Variants in MBP observed in about 807,000 individuals in gnomAD.
MBP encodes Golli-MBP.
In MBP, 16 loss-of-function variants were observed where a neutral mutation model predicts 35.8. The observed-to-expected ratio is 0.45, with a 90% CI of 0.30 to 0.68. The LOEUF (loss-of-function observed/expected upper bound fraction) is 0.68. MBP is among the 30% of genes least tolerant of loss of function. The probability of loss-of-function intolerance (pLI) is 0.08; values close to 1 mark genes in which losing one functional copy is unlikely to be tolerated. For synonymous variants in MBP, 143 were observed against 159.6 expected, an observed-to-expected ratio of 0.90 and a Z score of 0.78; for missense variants, 380 against 404.7, an observed-to-expected ratio of 0.94 and a Z score of 0.52.
chr18:77,131,025 C>CAAA lies in MBP; in HGVS notation c.-26+1552_-26+1554dup, dbSNP rs56844180. ...TTCCCTCAGATTTCTGTTTTTCCCACAAAAAAAAAAAAAAAACAAAACCTC... is the reference window on the plus strand; with the variant it reads ...TTCCCTCAGATTTCTGTTTTTCCCACAAAAAAAAAAAAAAAAAAACAAAACCTC... On this transcript the variant is annotated intron_variant, in intron 1 of 8. Coordinates refer to ENST00000355994, the MANE Select transcript of MBP (RefSeq NM_001025101.2). This position sits in a 1 kb window ranked among gnomAD's most constrained non-coding sequence, Gnocchi z 5.5. Among the ~76,000 whole-genome samples the CAAA allele has an allele frequency of 0.015, 1,900 of 129,954 alleles. 59 individuals are homozygous for CAAA. Among genetic ancestry groups the CAAA allele is most frequent in the African/African-American group, 0.052 (1,761 of 34,096 alleles). 85.3% of individuals were successfully genotyped at this position (129,954 alleles called of 152,430 possible). A position where few individuals can be genotyped will look rare whatever the true frequency, so the allele number is the denominator to read the frequency against.
chr18:77,031,019 A>G (rs1250868249), intron 3 of MBP, among the ~76,000 whole-genome samples: 8 of 152,198 alleles, frequency 5.3e-5, no homozygotes, highest in Non-Finnish European at 1.2e-4. Flanking sequence ...CTCTAAAGCC[A>G]TACAGACACT....
At chr18:77,023,111 C>A (rs1972057473) in intron 3 of MBP, among the ~76,000 whole-genome samples, 1 of 152,186 alleles carries the variant, frequency 6.6e-6, no homozygotes, top group Non-Finnish European at 1.5e-5. Flanking sequence ...CAATGCTGGC[C>A]TTTAGAAGGT....
intron 2 of MBP, among the ~76,000 whole-genome samples, chr18:77,099,999 C>G (rs1373087317): frequency 6.6e-6 from 1 of 152,236 alleles, no homozygotes; most frequent in Non-Finnish European, 1.5e-5. Flanking sequence ...CTTCTCTACT[C>G]TAATTGTGCA....
At chr18:77,002,185 C>T (rs138633527) in intron 4 of MBP, among the ~76,000 whole-genome samples, 37 of 152,258 alleles carry the variant, frequency 2.4e-4, no homozygotes, top group African/African-American at 7.5e-4. Flanking sequence ...TGGAATGGTG[C>T]GTTCTCATGG....
At chr18:77,064,582 C>G (rs1418932756) in intron 3 of MBP, among the ~76,000 whole-genome samples, 1 of 152,168 alleles carries the variant, frequency 6.6e-6, no homozygotes, top group Non-Finnish European at 1.5e-5. Context: ...AGCACTAAAT[C>G]TGTTTTATGT....
At chr18:77,067,796 A>G (rs1439414182) in intron 2 of MBP, 6 of 507,944 alleles carry the variant, frequency 1.2e-5, no homozygotes, top group Non-Finnish European at 2.4e-5. Flanking sequence ...GGACCATAAT[A>G]TGTACATAGT....
At chr18:77,111,169 G>A (rs1480358033) in intron 1 of MBP, among the ~76,000 whole-genome samples, 1 of 152,160 alleles carries the variant, frequency 6.6e-6, no homozygotes, top group African/African-American at 2.4e-5. Flanking sequence ...GACTCTGTGG[G>A]TCCGTCAGAT....
At chr18:77,085,279 T>G (rs145151518) in intron 2 of MBP, among the ~76,000 whole-genome samples, 1 of 152,270 alleles carries the variant, frequency 6.6e-6, no homozygotes, top group East Asian at 1.9e-4. Flanking sequence ...TGTCCTATAA[T>G]GCAGATGTGG....
In MBP at chr18:77,008,605, C is replaced by G. The variant is rs368112616; in HGVS notation, c.576+8227G>C. 2.3e-3 allele frequency among the ~76,000 whole-genome samples: 348 copies of G among 152,320 alleles called. 1 individual carries two copies. Among genetic ancestry groups the G allele is most frequent in the African/African-American group, 6.8e-3 (284 of 41,570 alleles). On this transcript the variant is annotated intron_variant, in intron 4 of 8. Transcript: ENST00000355994. ...CCAGTCACTCCAAGTCCCACGACCA[C>G]CTTGGGGCTCTCACCTGGCCCTTGT...
intron 2 of MBP, among the ~76,000 whole-genome samples, chr18:77,096,177 T>C (rs1428901548): frequency 6.6e-6 from 1 of 152,258 alleles, no homozygotes; most frequent in Non-Finnish European, 1.5e-5. Flanking sequence ...GGGCTGTCAG[T>C]AGTTTTAAAG....
chr18:77,116,783 C>T (rs1053980309), intron 1 of MBP, among the ~76,000 whole-genome samples: 1 of 152,086 alleles, frequency 6.6e-6, no homozygotes, highest in Non-Finnish European at 1.5e-5. Flanking sequence ...CTCTTGAACC[C>T]AGTAGGCAGA....
intron 3 of MBP, among the ~76,000 whole-genome samples, chr18:77,040,651 C>T (rs1464231609): frequency 6.6e-6 from 1 of 152,096 alleles, no homozygotes; most frequent in Non-Finnish European, 1.5e-5. Flanking sequence ...TCTGATCTTT[C>T]ACAAACCTGA....
intron 1 of MBP, among the ~76,000 whole-genome samples, chr18:77,126,888 G>A (rs1977068297): frequency 6.6e-6 from 1 of 152,164 alleles, no homozygotes; most frequent in Admixed American, 6.5e-5. Flanking sequence ...AGTTAAAGAA[G>A]ACCTAATTAC....
chr18:77,016,095 G>T (rs139627934), intron 4 of MBP: 14,886 of 984,936 alleles, frequency 0.015, 129 homozygotes, highest in Non-Finnish European at 0.017. Flanking sequence ...GCAGCCACAG[G>T]TTCTCCACTG....
intron 3 of MBP, among the ~76,000 whole-genome samples, chr18:77,031,226 C>A (rs1213079478): frequency 2.0e-5 from 3 of 152,202 alleles, no homozygotes; most frequent in Admixed American, 6.5e-5. Context: ...TCTCAATTTG[C>A]TTCTAATGGT....
At chr18:76,996,478 C>T (rs1970276591) in intron 4 of MBP, among the ~76,000 whole-genome samples, 1 of 152,154 alleles carries the variant, frequency 6.6e-6, no homozygotes, top group South Asian at 2.1e-4. Context: ...AACCTGAATG[C>T]TCTTGAGGGG....
chr18:76,985,685 C>G, intron 7 of MBP: 1 of 1,039,076 alleles, frequency 9.6e-7, no homozygotes, highest in Non-Finnish European at 1.2e-6. Context: ...CCTCCCAGTC[C>G]CCTAGCACCT....
At chr18:77,108,097 C>A (rs1371698013) in intron 1 of MBP, among the ~76,000 whole-genome samples, 1 of 152,186 alleles carries the variant, frequency 6.6e-6, no homozygotes, top group Non-Finnish European at 1.5e-5. Context: ...CTGATAATCA[C>A]GAGTGACTGG....
chr18:77,053,802 G>A (rs1271483139), intron 3 of MBP, among the ~76,000 whole-genome samples: 1 of 152,222 alleles, frequency 6.6e-6, no homozygotes, highest in Non-Finnish European at 1.5e-5. Context: ...GATGAAGCTC[G>A]TCCCATGAGC....
Sources: allele counts gnomAD v4.1 joint callset (sites outside exome capture counted in the v4.1 genomes callset), GRCh38; gene constraint gnomAD v4.1.1; non-coding constraint Gnocchi (gnomAD v3.1); transcripts MANE v1.5; gene names NCBI Gene and HGNC (gene_info 2026-07-23, HGNC 2026-07-21).